Variants in PRRX1 observed in about 807,000 individuals in gnomAD.
The protein encoded by PRRX1 is paired related homeobox 1, also known as paired mesoderm homeobox protein 1.
PRRX1 carries 8 observed loss-of-function variants against 24.0 expected under a neutral mutation model. The ratio of observed to expected loss-of-function variants is 0.33; its 90% CI spans 0.20 to 0.60. The LOEUF (loss-of-function observed/expected upper bound fraction) is 0.60. Ranked by LOEUF, PRRX1 falls within the 20% of genes least tolerant of loss-of-function variation. The probability of loss-of-function intolerance (pLI) is 0.82; values close to 1 mark genes in which losing one functional copy is unlikely to be tolerated. For synonymous variants in PRRX1, 160 were observed against 131.7 expected (o/e 1.22, Z -1.47); for missense variants, 281 against 322.4 (o/e 0.87, Z 0.98).
At chr1:170,706,031 C>T (rs934681355) in intron 1 of PRRX1, among the ~76,000 whole-genome samples, 2 of 151,746 alleles carry the variant, frequency 1.3e-5, no homozygotes, top group South Asian at 4.2e-4. Flanking sequence ...AACTCTGGAA[C>T]TTTATAAATA....
At chr1:170,684,057 T>C (rs1392129730) in intron 1 of PRRX1, among the ~76,000 whole-genome samples, 1 of 152,212 alleles carries the variant, frequency 6.6e-6, no homozygotes, top group African/African-American at 2.4e-5. Flanking sequence ...TTGCCAATCA[T>C]CCAGCTGGCG....
At chr1:170,664,608 CAGGGGAAA>C in intron 1 of PRRX1, 149 bp downstream of exon 1, 2 of 1,287,756 alleles carry the variant, frequency 1.6e-6, no homozygotes, top group Non-Finnish European at 2.1e-6. Flanking sequence ...GGGCCAGTCA[CAGGGGAAA>C]CCAGATGAGA....
intron 1 of PRRX1, among the ~76,000 whole-genome samples, chr1:170,676,107 A>T (rs1270452599): frequency 1.3e-5 from 2 of 152,186 alleles, no homozygotes; most frequent in Non-Finnish European, 2.9e-5. Flanking sequence ...CATTTAAGAA[A>T]TAAAATATAA....
intron 1 of PRRX1, among the ~76,000 whole-genome samples, chr1:170,701,528 T>G (rs987991942): frequency 4.6e-5 from 7 of 152,196 alleles, no homozygotes; most frequent in Non-Finnish European, 8.8e-5. Flanking sequence ...AGGCCAAATG[T>G]TTTGCTTGTT....
At chr1:170,703,953 G>A (rs548314333) in intron 1 of PRRX1, among the ~76,000 whole-genome samples, 17 of 152,302 alleles carry the variant, frequency 1.1e-4, no homozygotes, top group African/African-American at 4.1e-4. Context: ...GTTAAGGAAG[G>A]AGAATAATTA....
At chr1:170,716,342 T>C (rs978455318) in intron 1 of PRRX1, among the ~76,000 whole-genome samples, 1 of 152,198 alleles carries the variant, frequency 6.6e-6, no homozygotes, top group Non-Finnish European at 1.5e-5. Context: ...CCCAGCACTT[T>C]GGGAGGCCGA....
At chr1:170,670,725 A>G (rs1398803790) in intron 1 of PRRX1, among the ~76,000 whole-genome samples, 1 of 152,146 alleles carries the variant, frequency 6.6e-6, no homozygotes, top group Non-Finnish European at 1.5e-5. Context: ...TTTTAGGGCC[A>G]TGTTAGCGTA....
intron 1 of PRRX1, among the ~76,000 whole-genome samples, chr1:170,677,607 A>G (rs1008518265): frequency 1.3e-5 from 2 of 152,216 alleles, no homozygotes; most frequent in Non-Finnish European, 2.9e-5. Flanking sequence ...CTCTTACAGC[A>G]TGTCACTTAT....
chr1:170,682,278 A>G (rs1423660412), intron 1 of PRRX1, among the ~76,000 whole-genome samples: 5 of 149,982 alleles, frequency 3.3e-5, no homozygotes, highest in Non-Finnish European at 7.4e-5. Flanking sequence ...GTCTGAATTC[A>G]ATGTTCCTTC....
chr1:170,731,140 A>G lies in PRRX1; in HGVS notation c.599+4739A>G, dbSNP rs1233033068. 2.0e-5 allele frequency among the ~76,000 whole-genome samples: 3 copies of G among 152,248 alleles called. No homozygotes were observed. In the East Asian group the frequency reaches 5.8e-4, roughly 29 times the overall value. ...AATCACAAAAGATCCCTTTCCAAAG[A>G]ATTTACCAGATCTCTTTTTAAAAGT... is the stretch of plus-strand genomic sequence containing the variant. On this transcript the variant is annotated intron_variant, in intron 3 of 3. Coordinates refer to ENST00000239461, the MANE Select transcript of PRRX1 (RefSeq NM_022716.4).
At chr1:170,725,126 A>T (rs532497983) in intron 2 of PRRX1, among the ~76,000 whole-genome samples, 1 of 151,972 alleles carries the variant, frequency 6.6e-6, no homozygotes, top group African/African-American at 2.4e-5. Context: ...TTGCATACTG[A>T]TTTTGCACCC....
chr1:170,673,377 T>C (rs1283776495), intron 1 of PRRX1, among the ~76,000 whole-genome samples: 1 of 152,204 alleles, frequency 6.6e-6, no homozygotes, highest in East Asian at 1.9e-4. Context: ...TGCTAAATTG[T>C]TGCCTGTGTT....
intron 1 of PRRX1, among the ~76,000 whole-genome samples, chr1:170,708,887 C>T (rs1242119659): frequency 1.3e-5 from 2 of 152,094 alleles, no homozygotes; most frequent in African/African-American, 4.8e-5. Flanking sequence ...TGTGTCAAGA[C>T]CTTATTACAG....
intron 3 of PRRX1, among the ~76,000 whole-genome samples, chr1:170,734,223 AT>A (rs11300488): frequency 0.55 from 79,922 of 144,214 alleles, 22,046 homozygotes; most frequent in Middle Eastern, 0.62. Flanking sequence ...TATTGGTAAG[AT>A]TTTTTTTTTT....
rs1387489112 is a variant in PRRX1 at position 170,736,381 on chromosome 1, C to T, written c.*195C>T. On this transcript the variant is annotated 3_prime_UTR_variant, in exon 4 of 4. Coordinates refer to ENST00000239461, the MANE Select transcript of PRRX1 (RefSeq NM_022716.4). ...TGAAAATTAGTTAACAAATGTTCCT[C>T]CTCCCTCTGGGATACCACCACCACT... The T allele has an allele frequency of 1.4e-6, 1 of 695,870 alleles. No individual in the cohort carries two copies. Among genetic ancestry groups the T allele is most frequent in the Non-Finnish European group, 2.4e-6 (1 of 421,302 alleles). The allele number at this position is 695,870 out of a possible 1,614,324, so 43.1% of individuals were successfully genotyped here. A position where few individuals can be genotyped will look rare whatever the true frequency, so the allele number is the denominator to read the frequency against.
At position 170,705,167 on chromosome 1, in the gene PRRX1, C is replaced by T. The variant is rs115297146; in HGVS notation, c.242-14559C>T. On this transcript the variant is annotated intron_variant, in intron 1 of 3. Transcript: ENST00000239461. ...ACTTTCCTGCTCCATGTCTGCATTACGTAGCAATTTAAGACCTCATTTATA... is the reference window on the plus strand; with the variant it reads ...ACTTTCCTGCTCCATGTCTGCATTATGTAGCAATTTAAGACCTCATTTATA... Among the ~76,000 whole-genome samples, 161 of 152,292 alleles carry T rather than the reference C, an allele frequency of 1.1e-3. 1 individual carries two copies. The highest frequency in any genetic ancestry group is 3.7e-3 in the African/African-American group (154 of 41,576).
At chr1:170,733,635 C>G (rs1365405049) in intron 3 of PRRX1, among the ~76,000 whole-genome samples, 2 of 152,100 alleles carry the variant, frequency 1.3e-5, no homozygotes, top group Admixed American at 6.6e-5. Context: ...TACAATTTCA[C>G]TAATTGTGCA....
chr1:170,710,754 G>C (rs1571338467), intron 1 of PRRX1, among the ~76,000 whole-genome samples: 1 of 152,316 alleles, frequency 6.6e-6, no homozygotes, highest in East Asian at 1.9e-4. Context: ...CAGGAAGCTT[G>C]CTCTCTTTTG....
intron 3 of PRRX1, among the ~76,000 whole-genome samples, chr1:170,730,927 CT>C (rs767163354): frequency 3.3e-5 from 5 of 152,062 alleles, no homozygotes; most frequent in Non-Finnish European, 7.4e-5. Context: ...ATACAAGAGG[CT>C]TTATATATAA....
Sources: allele counts gnomAD v4.1 joint callset (sites outside exome capture counted in the v4.1 genomes callset), GRCh38; gene constraint gnomAD v4.1.1; transcripts MANE v1.5; gene names NCBI Gene and HGNC (gene_info 2026-07-23, HGNC 2026-07-21).